The following BNC2 variants were observed in gnomAD, a reference collection of about 807,000 sequenced individuals.
The protein encoded by BNC2 is basonuclin zinc finger protein 2.
A neutral mutation model predicts 76.3 loss-of-function variants in BNC2; 20 were observed. The observed-to-expected ratio is 0.26, with a 90% CI of 0.18 to 0.38. BNC2 has a LOEUF of 0.38. BNC2 is among the 10% of genes least tolerant of loss of function. BNC2 has a pLI of 1.00. For synonymous variants in BNC2, 582 were observed against 514.8 expected (o/e 1.13, Z -1.77); for missense variants, 1,382 against 1,399.8 (o/e 0.99, Z 0.20).
intron 5 of BNC2, among the ~76,000 whole-genome samples, chr9:16,510,462 G>A (rs539798181): frequency 2.0e-5 from 3 of 152,240 alleles, no homozygotes; most frequent in Admixed American, 6.5e-5. Flanking sequence ...CTCCTTTCAC[G>A]TACTCTTTCT....
At chr9:16,624,369 G>A (rs1435700305) in intron 3 of BNC2, among the ~76,000 whole-genome samples, 1 of 151,972 alleles carries the variant, frequency 6.6e-6, no homozygotes, top group African/African-American at 2.4e-5. Context: ...AACAACACCA[G>A]ATGTATGCAC....
intron 5 of BNC2, among the ~76,000 whole-genome samples, chr9:16,474,201 AAGTT>A (rs1193873532): frequency 6.6e-6 from 1 of 152,248 alleles, no homozygotes. Flanking sequence ...TACTGAATAA[AAGTT>A]AGGATTATAC....
At chr9:16,444,197 A>C (rs1210048746) in intron 5 of BNC2, among the ~76,000 whole-genome samples, 1 of 152,002 alleles carries the variant, frequency 6.6e-6, no homozygotes, top group South Asian at 2.1e-4. Context: ...ACTCCTATTT[A>C]TTTTTACCTA....
Position 16,418,903 on chromosome 9 carries a change from C to G in BNC2, c.*86G>C. On this transcript the variant is annotated 3_prime_UTR_variant, in exon 7 of 7. Transcript: ENST00000380672. ...CACACACACACACACACACACACCC[C>G]AAGTACATAAGCGCACACTGACTAT... is the stretch of plus-strand genomic sequence containing the variant. The G allele has an allele frequency of 6.5e-6, 7 of 1,079,910 alleles. No homozygotes were observed. Among genetic ancestry groups the G allele is most frequent in the Middle Eastern group, 4.4e-4 (2 of 4,510 alleles). 66.9% of individuals were successfully genotyped at this position (1,079,910 alleles called of 1,614,324 possible).
At chr9:16,611,440 G>A (rs1408797135) in intron 3 of BNC2, among the ~76,000 whole-genome samples, 1 of 152,072 alleles carries the variant, frequency 6.6e-6, no homozygotes, top group Admixed American at 6.6e-5. Flanking sequence ...TCCAACCCTG[G>A]ACATCAATCT....
At position 16,410,411 on chromosome 9, in the gene BNC2, G is replaced by A. The variant is rs16934607; in HGVS notation, c.*8578C>T. 0.043 allele frequency: 6,535 copies of A among 152,620 alleles called. 396 individuals carry two copies. The highest frequency in any genetic ancestry group is 0.13 in the African/African-American group (5,189 of 41,430). The allele number at this position is 152,620 out of a possible 1,614,324, so 9.5% of individuals were successfully genotyped here. The stretch of plus-strand genomic sequence containing the variant: ...CAAGTCTTCTCCCCATTTCTCGACC[G>A]TCCTCACCCCTCTGACCTTCATGTA... On this transcript the variant is annotated 3_prime_UTR_variant, in exon 7 of 7. Coordinates refer to ENST00000380672, the MANE Select transcript of BNC2 (RefSeq NM_017637.6).
chr9:16,843,744 G>C (rs1173785876), intron 1 of BNC2, among the ~76,000 whole-genome samples: 1 of 152,198 alleles, frequency 6.6e-6, no homozygotes, highest in Non-Finnish European at 1.5e-5. Context: ...CTACAAATGT[G>C]TGTGGAAGGA....
At chr9:16,587,465 CCCTT>C (rs994065858) in intron 3 of BNC2, among the ~76,000 whole-genome samples, 7 of 152,120 alleles carry the variant, frequency 4.6e-5, no homozygotes, top group African/African-American at 1.7e-4. Flanking sequence ...GATTATGTAT[CCCTT>C]CCTTTCCTGT....
intron 1 of BNC2, among the ~76,000 whole-genome samples, chr9:16,834,823 G>A (rs1055045410): frequency 6.6e-5 from 10 of 151,936 alleles, no homozygotes; most frequent in African/African-American, 1.9e-4. Context: ...AGTGCAGTAT[G>A]AAAACAGATT....
intron 1 of BNC2, 93 bp downstream of exon 1, chr9:16,870,553 A>C: frequency 2.7e-6 from 4 of 1,457,060 alleles, no homozygotes; most frequent in Admixed American, 3.9e-5. Flanking sequence ...GAGGGCGGAC[A>C]CGGCCCCCGG....
chr9:16,823,803 T>G (rs1405497160), intron 1 of BNC2, among the ~76,000 whole-genome samples: 11 of 152,110 alleles, frequency 7.2e-5, no homozygotes, highest in Non-Finnish European at 5.9e-5. Context: ...GGAAGTAACT[T>G]CAAGCTCTGC....
chr9:16,624,022 G>C (rs1297028666), intron 3 of BNC2, among the ~76,000 whole-genome samples: 1 of 152,092 alleles, frequency 6.6e-6, no homozygotes, highest in Non-Finnish European at 1.5e-5. Flanking sequence ...AATTTCTTAA[G>C]ATATACCAAA....
At chr9:16,867,309 G>C (rs1410233560) in intron 1 of BNC2, 1 of 151,766 alleles carries the variant, frequency 6.6e-6, no homozygotes, top group East Asian at 1.9e-4. Flanking sequence ...ATGTACCATA[G>C]TATTTATACA....
chr9:16,455,402 T>A (rs778577651), intron 5 of BNC2, among the ~76,000 whole-genome samples: 2 of 152,222 alleles, frequency 1.3e-5, no homozygotes, highest in Non-Finnish European at 2.9e-5. Flanking sequence ...TATGGAGCTC[T>A]GCTCCTATAC....
intron 5 of BNC2, among the ~76,000 whole-genome samples, chr9:16,511,362 C>T (rs1032962716): frequency 9.4e-5 from 14 of 149,602 alleles, no homozygotes; most frequent in African/African-American, 3.2e-4. Flanking sequence ...TGTCCCACCT[C>T]GTTTTCCCAA....
intron 6 of BNC2, among the ~76,000 whole-genome samples, chr9:16,421,878 A>G (rs1046862268): frequency 1.3e-5 from 2 of 152,062 alleles, no homozygotes; most frequent in South Asian, 4.1e-4. Flanking sequence ...TATTATTTTT[A>G]ACACCCTCCC....
chr9:16,553,604 T>C (rs1587162819), intron 4 of BNC2, among the ~76,000 whole-genome samples: 1 of 152,336 alleles, frequency 6.6e-6, no homozygotes, highest in East Asian at 1.9e-4. Context: ...TTCAGCTAAC[T>C]GTATTATCTC....
chr9:16,505,790 T>C (rs1348404936), intron 5 of BNC2, among the ~76,000 whole-genome samples: 6 of 152,158 alleles, frequency 3.9e-5, no homozygotes, highest in African/African-American at 1.2e-4. Context: ...TTGAATTTCA[T>C]GTTAGCATTC....
chr9:16,501,353 C>G (rs1035622379), intron 5 of BNC2, among the ~76,000 whole-genome samples: 10 of 152,108 alleles, frequency 6.6e-5, no homozygotes, highest in Admixed American at 5.9e-4. Flanking sequence ...GAAAACCATT[C>G]CTCAACACAC....
Sources: allele counts gnomAD v4.1 joint callset (sites outside exome capture counted in the v4.1 genomes callset), GRCh38; gene constraint gnomAD v4.1.1; transcripts MANE v1.5; gene names NCBI Gene and HGNC (gene_info 2026-07-23, HGNC 2026-07-21).